CENPF: variants seen among roughly 807,000 people sequenced by gnomAD.
CENPF encodes the protein centromere protein F.
Under a neutral mutation model 307.3 loss-of-function variants are expected in CENPF, and 214 were observed. The observed-to-expected ratio is 0.70, with a 90% confidence interval of 0.62 to 0.78. CENPF has a LOEUF of 0.78. Ranked by LOEUF, CENPF falls within the 30% of genes least tolerant of loss-of-function variation. The pLI is 0.00. For missense variants in CENPF, 3,401 were observed against 3,483.9 expected, an observed-to-expected ratio of 0.98 and a Z score of 0.60; for synonymous variants, 1,259 against 1,270.6, an observed-to-expected ratio of 0.99 and a Z score of 0.19.
intron 7 of CENPF, among the ~76,000 whole-genome samples, chr1:214,627,671 C>T (rs1488166143): frequency 6.6e-6 from 1 of 151,750 alleles, no homozygotes. Flanking sequence ...CCACTGCACC[C>T]GGCCCCTCCA....
At chr1:214,630,292 T>C (rs1472711570) in intron 8 of CENPF, among the ~76,000 whole-genome samples, 2 of 152,220 alleles carry the variant, frequency 1.3e-5, no homozygotes, top group Admixed American at 6.5e-5. Context: ...GGAAACAGGC[T>C]ACTTTCCATG....
At chr1:214,650,567 G>A (rs1658434603) in intron 14 of CENPF, among the ~76,000 whole-genome samples, 3 of 152,092 alleles carry the variant, frequency 2.0e-5, no homozygotes, top group Admixed American at 2.0e-4. Context: ...ACACCCAGGG[G>A]GGTCTCATGT....
intron 15 of CENPF, among the ~76,000 whole-genome samples, chr1:214,652,302 T>A (rs1472513629): frequency 1.3e-5 from 2 of 151,952 alleles, no homozygotes; most frequent in Non-Finnish European, 2.9e-5. Flanking sequence ...CCCAAAGTGC[T>A]GGGATTACAG....
At chr1:214,634,256 T>C (rs145664272) in intron 10 of CENPF, among the ~76,000 whole-genome samples, 2 of 152,338 alleles carry the variant, frequency 1.3e-5, no homozygotes, top group African/African-American at 4.8e-5. Context: ...TGTCTTAATT[T>C]ATGGTTATGT....
At chr1:214,606,960 G>A (rs1386269565) in intron 1 of CENPF, among the ~76,000 whole-genome samples, 10 of 152,216 alleles carry the variant, frequency 6.6e-5, no homozygotes, top group Admixed American at 3.9e-4. Flanking sequence ...GCAGGTGTGC[G>A]TCCCCTCTGC....
At chr1:214,612,582 G>A (rs980794663) in intron 1 of CENPF, among the ~76,000 whole-genome samples, 5 of 152,132 alleles carry the variant, frequency 3.3e-5, no homozygotes, top group South Asian at 2.1e-4. Context: ...ACAGGAGAAG[G>A]CAGAGGCCCC....
intron 10 of CENPF, among the ~76,000 whole-genome samples, chr1:214,635,684 C>T (rs1657943204): frequency 6.6e-6 from 1 of 152,156 alleles, no homozygotes; most frequent in South Asian, 2.1e-4. Context: ...TATAAGCCTG[C>T]TGGGTCCCAG....
In CENPF at chr1:214,644,716, A is replaced by G. The variant is rs1397611234; in HGVS notation, c.5146A>G (p.Lys1716Glu). 1 of 1,613,908 alleles carries G rather than the reference A, an allele frequency of 6.2e-7. No homozygotes were observed. The highest frequency in any genetic ancestry group is 2.2e-5 in the East Asian group (1 of 44,886). ...GAAAATAACTGAGACTGGTGCAGTG[A>G]AACCCACAGGAGAGTGCTCTGGGGA... ...IEKITETGAV[K>E]PTGECSGEQS... Residue 1716 changes from lysine (K) to glutamate (E), a missense_variant, in exon 13 of 20, where the codon AAA becomes GAA. Coordinates refer to ENST00000366955, the MANE Select transcript of CENPF (RefSeq NM_016343.4).
At chr1:214,614,730 A>G (rs992292274) in intron 2 of CENPF, 102 bp from the exon 3 acceptor site, 8 of 698,308 alleles carry the variant, frequency 1.1e-5, no homozygotes, top group African/African-American at 3.7e-5. Flanking sequence ...TTGCAGCTGT[A>G]TCTCAGGAAT....
At chr1:214,656,530 A>G (rs770439303) in intron 17 of CENPF, among the ~76,000 whole-genome samples, 4 of 152,210 alleles carry the variant, frequency 2.6e-5, no homozygotes, top group East Asian at 1.9e-4. Flanking sequence ...CCAAAGCCAT[A>G]CAACAGAAGC....
intron 14 of CENPF, among the ~76,000 whole-genome samples, chr1:214,650,560 C>T (rs1346292422): frequency 6.6e-6 from 1 of 151,988 alleles, no homozygotes; most frequent in Non-Finnish European, 1.5e-5. Context: ...AAGGCAAACA[C>T]CCAGGGGGGT....
At chr1:214,647,773 A>G (rs1337946945) in intron 13 of CENPF, among the ~76,000 whole-genome samples, 1 of 152,218 alleles carries the variant, frequency 6.6e-6, no homozygotes, top group African/African-American at 2.4e-5. Context: ...AGAGAGTATA[A>G]CAGACATTAT....
chr1:214,632,398 C>A, intron 9 of CENPF, 82 bp from the exon 10 acceptor site: 3 of 1,461,804 alleles, frequency 2.1e-6, no homozygotes, highest in Non-Finnish European at 2.8e-6. Flanking sequence ...TATTCCATGA[C>A]CATTTTATTG....
At position 214,646,474 on chromosome 1, in the gene CENPF, A is replaced by T; in HGVS notation, c.6904A>T (p.Ser2302Cys). Reference sequence around the variant, plus strand: ...AGAGGAAGAGCATCAGCTGAGAAATAGCATTGAAAAGCTGAGAGCCCGCCT... The same window carrying T: ...AGAGGAAGAGCATCAGCTGAGAAATTGCATTGAAAAGCTGAGAGCCCGCCT... ...PIEEEHQLRN[S>C]IEKLRARLEA... is the part of the protein sequence containing the mutation. The change falls in exon 13 of 20, where the codon AGC (serine) becomes TGC (cysteine). Residue 2302 changes from serine to cysteine, a missense_variant. By Grantham distance (112) the Ser-to-Cys change is moderately radical. Transcript: ENST00000366955. 6.2e-7 allele frequency: 1 copy of T among 1,614,174 alleles called. No individual in the cohort carries two copies. Among genetic ancestry groups the T allele is most frequent in the South Asian group, 1.1e-5 (1 of 91,084 alleles).
chr1:214,643,188 C>T lies in CENPF; in HGVS notation c.4850C>T (p.Thr1617Ile). The T allele has an allele frequency of 6.2e-7, 1 of 1,605,516 alleles. No individual in the cohort carries two copies. Among genetic ancestry groups the T allele is most frequent in the Non-Finnish European group, 8.5e-7 (1 of 1,177,362 alleles). The part of the protein sequence containing the change: ...EQWQQKLTSV[T>I]LEMESKLAAE... ...TGGCAACAGAAGCTGACAAGCGTGACTCTGGAGATGGAGTCCAAGTTGGCG... is the reference window on the plus strand; with the variant it reads ...TGGCAACAGAAGCTGACAAGCGTGATTCTGGAGATGGAGTCCAAGTTGGCG... The change falls in exon 12 of 20, where the codon ACT (threonine) becomes ATT (isoleucine). Residue 1617 changes from threonine (T) to isoleucine (I), a missense_variant. Thr to Ile is a moderately conservative substitution (Grantham distance 89). Coordinates refer to ENST00000366955, the MANE Select transcript of CENPF (RefSeq NM_016343.4).
chr1:214,605,691 G>C (rs967935278), intron 1 of CENPF: 42 of 1,589,792 alleles, frequency 2.6e-5, no homozygotes, highest in African/African-American at 5.3e-5. Context: ...GAGCTGGCTG[G>C]CAGCTCCTGG....
intron 6 of CENPF, among the ~76,000 whole-genome samples, chr1:214,621,192 G>T (rs1657495119): frequency 6.6e-6 from 1 of 152,180 alleles, no homozygotes; most frequent in South Asian, 2.1e-4. Flanking sequence ...ACGTTGAGAG[G>T]CTTTGATTTA....
chr1:214,658,414 G>A (rs907764059), intron 18 of CENPF, among the ~76,000 whole-genome samples: 9 of 151,232 alleles, frequency 6.0e-5, no homozygotes, highest in African/African-American at 2.2e-4. Context: ...TGAAGTAGCT[G>A]TTACCATTTT....
chr1:214,616,921 CTTCT>C (rs1322617033), intron 3 of CENPF, among the ~76,000 whole-genome samples: 1 of 115,820 alleles, frequency 8.6e-6, no homozygotes, highest in Admixed American at 9.7e-5. Flanking sequence ...TTCTTTCTTT[CTTCT>C]TTCTTTCCAC....
Sources: gnomAD v4.1 joint callset for allele counts (sites outside exome capture counted in the v4.1 genomes callset) on GRCh38, gnomAD v4.1.1 for gene constraint, MANE v1.5 for transcripts, NCBI Gene and HGNC (gene_info 2026-07-23, HGNC 2026-07-21) for gene names.